The following SATB2 variants were observed in gnomAD, a reference collection of about 807,000 sequenced individuals.
SATB2 encodes SATB homeobox 2.
A neutral mutation model predicts 73.4 loss-of-function variants in SATB2; 1 was observed. That is an observed-to-expected ratio of 0.01 (90% CI 0.00 to 0.06). The LOEUF (loss-of-function observed/expected upper bound fraction) is 0.06. SATB2 is among the 10% of genes least tolerant of loss of function. The pLI is 1.00. For missense variants in SATB2, 459 were observed against 945.8 expected (o/e 0.49, Z 6.75); for synonymous variants, 397 against 367.0 (o/e 1.08, Z -0.93).
At chr2:199,326,535 T>C (rs886131185) in intron 8 of SATB2, among the ~76,000 whole-genome samples, 6 of 151,932 alleles carry the variant, frequency 3.9e-5, no homozygotes, top group African/African-American at 1.5e-4. Flanking sequence ...GTTAGGAAAA[T>C]AGTACAAAAG....
At chr2:199,347,062 G>T (rs1279655973) in intron 7 of SATB2, 1 of 151,996 alleles carries the variant, frequency 6.6e-6, no homozygotes, top group Non-Finnish European at 1.5e-5. Context: ...AGTAGAGATG[G>T]TGTTTTACCA....
At chr2:199,431,925 G>A (rs1334063509) in intron 3 of SATB2, among the ~76,000 whole-genome samples, 1 of 152,162 alleles carries the variant, frequency 6.6e-6, no homozygotes, top group Non-Finnish European at 1.5e-5. Flanking sequence ...GTTTGTGGGG[G>A]GAAGGGAAGG....
In SATB2 at chr2:199,308,450, C is replaced by T. The variant is rs975355428; in HGVS notation, c.1740+310G>A. On this transcript the variant is annotated intron_variant, in intron 10 of 10. Coordinates refer to ENST00000417098, the MANE Select transcript of SATB2 (RefSeq NM_001172509.2). This position sits in a 1 kb window ranked among gnomAD's most constrained non-coding sequence, Gnocchi z 4.6. ...TTTCCGATCGAGAGATTTAATTCTC[C>T]GTGAGCGCTCTGGCTTTACAATCCC... is the stretch of plus-strand genomic sequence containing the variant. 4.6e-5 allele frequency among the ~76,000 whole-genome samples: 7 copies of T among 152,100 alleles called. No individual in the cohort carries two copies. In the South Asian group the frequency reaches 6.2e-4, roughly 14 times the overall value.
intron 10 of SATB2, among the ~76,000 whole-genome samples, chr2:199,303,812 T>C (rs902934230): frequency 6.6e-6 from 1 of 152,136 alleles, no homozygotes; most frequent in African/African-American, 2.4e-5. Flanking sequence ...AATGCTGGTG[T>C]CTGACTGTCA....
intron 6 of SATB2, among the ~76,000 whole-genome samples, chr2:199,358,912 CT>C (rs1261789682): frequency 6.6e-6 from 1 of 152,160 alleles, no homozygotes; most frequent in East Asian, 1.9e-4. Flanking sequence ...TCAAACAATG[CT>C]TTATCACAGT....
intron 2 of SATB2, 54 bp from the exon 3 acceptor site, chr2:199,433,568 TCAC>T (rs1691567515): frequency 6.6e-7 from 1 of 1,518,076 alleles, no homozygotes; most frequent in East Asian, 2.3e-5. Flanking sequence ...CAAATCTCAG[TCAC>T]CACGATGAGA....
At chr2:199,305,741 A>C (rs933039783) in intron 10 of SATB2, among the ~76,000 whole-genome samples, 1 of 152,132 alleles carries the variant, frequency 6.6e-6, no homozygotes, top group Non-Finnish European at 1.5e-5. Context: ...TATGTACCCT[A>C]ATACAACAGA....
chr2:199,429,029 A>G (rs1310129237), intron 3 of SATB2, among the ~76,000 whole-genome samples: 1 of 151,568 alleles, frequency 6.6e-6, no homozygotes, highest in Non-Finnish European at 1.5e-5. Context: ...AAAAAGAAAG[A>G]AAGAAAGAAA....
chr2:199,454,838 C>T (rs566407110), intron 2 of SATB2, among the ~76,000 whole-genome samples: 1 of 152,048 alleles, frequency 6.6e-6, no homozygotes, highest in Non-Finnish European at 1.5e-5. Flanking sequence ...ACACTTACAA[C>T]AAGGGGGTGG....
At chr2:199,471,115 G>A (rs1252349622) in exon 1 of SATB2, 1 of 152,362 alleles carries the variant, frequency 6.6e-6, no homozygotes, top group Non-Finnish European at 1.5e-5. Context: ...CCTGGGTCCG[G>A]GTATCCCAGG....
chr2:199,306,938 G>A (rs1687449650), intron 10 of SATB2, among the ~76,000 whole-genome samples: 1 of 152,110 alleles, frequency 6.6e-6, no homozygotes, highest in African/African-American at 2.4e-5. Flanking sequence ...TTAATATGTG[G>A]AATAAATTGC....
chr2:199,399,359 T>C (rs1160694714), intron 3 of SATB2, among the ~76,000 whole-genome samples: 2 of 152,198 alleles, frequency 1.3e-5, no homozygotes, highest in East Asian at 3.9e-4. Context: ...CATAGAACTA[T>C]GAATTCTTGG....
At chr2:199,276,623 A>C (rs1318290254) in intron 10 of SATB2, among the ~76,000 whole-genome samples, 1 of 152,198 alleles carries the variant, frequency 6.6e-6, no homozygotes, top group Non-Finnish European at 1.5e-5. Context: ...AATGAATAAA[A>C]TTCTCTTTCC....
chr2:199,334,815 G>C (rs186661961), intron 7 of SATB2, among the ~76,000 whole-genome samples: 2 of 152,206 alleles, frequency 1.3e-5, no homozygotes, highest in Admixed American at 6.6e-5. Context: ...CATGGCTGTA[G>C]AAAGTACTGG....
At chr2:199,349,219 C>T (rs1180026458) in intron 6 of SATB2, 46 bp from the exon 7 acceptor site, 9 of 1,367,398 alleles carry the variant, frequency 6.6e-6, no homozygotes, top group African/African-American at 1.4e-5. Context: ...TTCATTGGTA[C>T]AATTTATTGC....
At chr2:199,379,665 C>G (rs1202811718) in intron 5 of SATB2, among the ~76,000 whole-genome samples, 1 of 142,280 alleles carries the variant, frequency 7.0e-6, no homozygotes, top group Non-Finnish European at 1.5e-5. Flanking sequence ...TGTAAAACGT[C>G]TATTTTCTTT....
chr2:199,459,619 T>C (rs1252472337), upstream of SATB2: 1 of 152,772 alleles, frequency 6.5e-6, no homozygotes, highest in Admixed American at 6.5e-5. The surrounding 1 kb of genome is among the most constrained non-coding windows in gnomAD (Gnocchi z 4.2). Flanking sequence ...CCCGCACACG[T>C]TGACTCTCCC....
At chr2:199,344,344 C>T (rs1688590500) in intron 7 of SATB2, among the ~76,000 whole-genome samples, 1 of 152,096 alleles carries the variant, frequency 6.6e-6, no homozygotes, top group Non-Finnish European at 1.5e-5. Context: ...TAGTATGCAA[C>T]AGACTTTCTC....
chr2:199,467,403 C>T (rs2105970918), upstream of SATB2: 1 of 152,404 alleles, frequency 6.6e-6, no homozygotes, highest in African/African-American at 2.4e-5. Flanking sequence ...CCCCTCCCCC[C>T]AACTCTCAGC....
Sources: gnomAD v4.1 joint callset for allele counts (sites outside exome capture counted in the v4.1 genomes callset) on GRCh38, gnomAD v4.1.1 for gene constraint, Gnocchi (gnomAD v3.1) non-coding constraint, MANE v1.5 for transcripts, NCBI Gene and HGNC (gene_info 2026-07-23, HGNC 2026-07-21) for gene names.